TEX36: variants seen among roughly 807,000 people sequenced by gnomAD.
TEX36 encodes testis expressed 36, also known as testis-expressed protein 36.
Under a neutral mutation model 13.6 loss-of-function variants are expected in TEX36, and 12 were observed. The observed-to-expected ratio is 0.88, with a 90% confidence interval of 0.56 to 1.43. The LOEUF (loss-of-function observed/expected upper bound fraction) is 1.43, where lower values mean the gene tolerates loss of function less well. Ranked by LOEUF, TEX36 falls within the 40% of genes most tolerant of loss-of-function variation. The probability of loss-of-function intolerance (pLI) is 0.00; values close to 1 mark genes in which losing one functional copy is unlikely to be tolerated. For synonymous variants in TEX36, 93 were observed against 83.0 expected (o/e 1.12, Z -0.65); for missense variants, 224 against 228.3 (o/e 0.98, Z 0.12).
intron 1 of TEX36, chr10:125,667,364 TC>T: frequency 1.5e-6 from 1 of 649,212 alleles, no homozygotes. Context: ...CAAGTCATGG[TC>T]CCCATTAGGG....
chr10:125,654,198 AT>A (rs1376875861), downstream of TEX36, among the ~76,000 whole-genome samples: 1 of 152,064 alleles, frequency 6.6e-6, no homozygotes, highest in Non-Finnish European at 1.5e-5. Flanking sequence ...ATATTTATTT[AT>A]TTATTATTAG....
Position 125,577,020 on chromosome 10 carries a change from G to C in TEX36, c.265-146C>G, listed in dbSNP as rs879936600. 4 of 1,085,426 alleles carry C rather than the reference G, an allele frequency of 3.7e-6. No individual in the cohort carries two copies. In the African/African-American group the frequency reaches 4.7e-5, roughly 13 times the overall value. The allele number at this position is 1,085,426 out of a possible 1,614,324, so 67.2% of individuals were successfully genotyped here. A position where few individuals can be genotyped will look rare whatever the true frequency, so the allele number is the denominator to read the frequency against. On this transcript the variant is annotated intron_variant, in intron 3 of 3. Transcript: ENST00000532135. ...AGAAGGATTTAGTGAGACTTAGCCT[G>C]AGCCCTAGGCCCATCCATGAACTGG...
chr10:125,627,038 C>G (rs1278322019), intron 3 of TEX36, among the ~76,000 whole-genome samples: 1 of 152,190 alleles, frequency 6.6e-6, no homozygotes, highest in Non-Finnish European at 1.5e-5. Context: ...CCCCAGGTCC[C>G]ACCTCAAGCA....
chr10:125,634,585 C>T (rs546528341), intron 3 of TEX36, among the ~76,000 whole-genome samples: 1 of 152,304 alleles, frequency 6.6e-6, no homozygotes, highest in East Asian at 1.9e-4. Context: ...CTGAAGCATT[C>T]TTTTCTGCCT....
intron 1 of TEX36, among the ~76,000 whole-genome samples, chr10:125,662,418 G>A (rs1166306122): frequency 3.9e-5 from 6 of 152,150 alleles, no homozygotes; most frequent in Admixed American, 2.0e-4. Flanking sequence ...CTAAGACCAC[G>A]GGAAGGGGAG....
intron 1 of TEX36, among the ~76,000 whole-genome samples, chr10:125,679,505 G>A (rs1589792948): frequency 6.7e-6 from 1 of 150,166 alleles, no homozygotes; most frequent in African/African-American, 2.4e-5. Flanking sequence ...GACTCTCTCT[G>A]TTAGTTTCAG....
intron 1 of TEX36, among the ~76,000 whole-genome samples, chr10:125,676,498 T>C (rs1847314716): frequency 6.6e-6 from 1 of 152,220 alleles, no homozygotes; most frequent in Non-Finnish European, 1.5e-5. Context: ...TCTATCTATA[T>C]GTCTTTACTG....
At chr10:125,651,574 TG>T (rs1846860231), downstream of TEX36, among the ~76,000 whole-genome samples, 1 of 152,166 alleles carries the variant, frequency 6.6e-6, no homozygotes, top group Admixed American at 6.5e-5. Context: ...GCGTTTCCTT[TG>T]AAAACTGGCA....
intron 1 of TEX36, among the ~76,000 whole-genome samples, chr10:125,675,541 G>T (rs537366947): frequency 6.6e-6 from 1 of 152,294 alleles, no homozygotes; most frequent in African/African-American, 2.4e-5. Flanking sequence ...CTCATGAGGG[G>T]GATCTCCTGA....
chr10:125,672,480 C>G (rs945682421), intron 1 of TEX36, among the ~76,000 whole-genome samples: 1 of 152,316 alleles, frequency 6.6e-6, no homozygotes. Context: ...TTTGACTGCA[C>G]TGTGGTCTGA....
At chr10:125,607,421 G>T (rs377482162) in intron 3 of TEX36, among the ~76,000 whole-genome samples, 2 of 152,174 alleles carry the variant, frequency 1.3e-5, no homozygotes, top group African/African-American at 4.8e-5. Context: ...GCCCATTTCT[G>T]CCCTCCCCGC....
chr10:125,635,737 C>G lies in TEX36; in HGVS notation c.265-14092G>C, dbSNP rs529816179. Among the ~76,000 whole-genome samples the G allele has an allele frequency of 2.0e-5, 3 of 152,260 alleles. No homozygotes were observed. The South Asian group carries it at 6.2e-4, about 32-fold the overall frequency. ...CAGTTTCTCCTGTTCTCCACTCACTCCAGCCAGTGCCCAGTTAATGGTATA... is the reference window on the plus strand; with the variant it reads ...CAGTTTCTCCTGTTCTCCACTCACTGCAGCCAGTGCCCAGTTAATGGTATA... On this transcript the variant is annotated intron_variant, in intron 3 of 3. Transcript: ENST00000526819.
chr10:125,579,408 G>T (rs1389634459), intron 3 of TEX36, among the ~76,000 whole-genome samples: 1 of 152,150 alleles, frequency 6.6e-6, no homozygotes, highest in African/African-American at 2.4e-5. Flanking sequence ...AGAACAGCAT[G>T]GGGGAACTGC....
chr10:125,661,827 G>T lies in TEX36; in HGVS notation c.183+19C>A, dbSNP rs189072771. The T allele has an allele frequency of 1.3e-6, 2 of 1,551,634 alleles. No individual in the cohort carries two copies. The highest frequency in any genetic ancestry group is 1.7e-6 in the Non-Finnish European group (2 of 1,146,926). ...AGGTCCACAGGAGCACATGGCAGTG[G>T]CCAGTGTTCAGGACTCACCTTCTCC... On this transcript the variant is annotated intron_variant, in intron 2 of 3. Transcript: ENST00000368821.
intron 1 of TEX36, among the ~76,000 whole-genome samples, chr10:125,679,197 A>G (rs1213594320): frequency 1.8e-4 from 25 of 135,752 alleles, no homozygotes. Flanking sequence ...TGCCTCGCTC[A>G]CACCCCAGTC....
At chr10:125,655,554 G>T, downstream of TEX36, 1 of 465,016 alleles carries the variant, frequency 2.2e-6, no homozygotes, top group Non-Finnish European at 2.9e-6. Context: ...AAAACAAGTA[G>T]TTAACTTACT....
chr10:125,637,519 G>T (rs933411528), intron 3 of TEX36, among the ~76,000 whole-genome samples: 4 of 152,032 alleles, frequency 2.6e-5, no homozygotes, highest in Admixed American at 2.0e-4. Context: ...ACATCTTAGC[G>T]ATTGTGAACA....
chr10:125,666,344 T>G (rs9422921), intron 1 of TEX36, among the ~76,000 whole-genome samples: 1 of 152,180 alleles, frequency 6.6e-6, no homozygotes, highest in African/African-American at 2.4e-5. Context: ...TGGCTGTATA[T>G]GGTCTTTGTT....
At chr10:125,646,837 G>C (rs139891334) in intron 3 of TEX36, among the ~76,000 whole-genome samples, 48 of 152,190 alleles carry the variant, frequency 3.2e-4, no homozygotes, top group African/African-American at 1.1e-3. Flanking sequence ...AAATGGAAAA[G>C]ACATGCCAAG....
Sources: allele counts gnomAD v4.1 joint callset (sites outside exome capture counted in the v4.1 genomes callset), GRCh38; gene constraint gnomAD v4.1.1; transcripts MANE v1.5; gene names NCBI Gene and HGNC (gene_info 2026-07-23, HGNC 2026-07-21).